Variants in CDYL observed in about 807,000 individuals in gnomAD.
The protein encoded by CDYL is chromodomain Y like, also known as chromodomain Y-like protein.
In CDYL, 8 loss-of-function variants were observed where a neutral mutation model predicts 47.3. The ratio of observed to expected loss-of-function variants is 0.17; its 90% CI spans 0.10 to 0.31. CDYL has a LOEUF of 0.31. Among genes scored for constraint, CDYL ranks in the 10% least tolerant of loss-of-function variants. The pLI, the probability that CDYL is intolerant of heterozygous loss-of-function variation, is 1.00. For synonymous variants in CDYL, 266 were observed against 265.0 expected (o/e 1.00, Z -0.04); for missense variants, 471 against 701.4 (o/e 0.67, Z 3.71).
intron 1 of CDYL, among the ~76,000 whole-genome samples, chr6:4,813,568 A>G (rs758371018): frequency 6.6e-6 from 1 of 152,148 alleles, no homozygotes; most frequent in Non-Finnish European, 1.5e-5. Flanking sequence ...TTGCTAAATT[A>G]TGTGTTTAGG....
At chr6:4,799,856 A>G (rs1295090723) in intron 1 of CDYL, among the ~76,000 whole-genome samples, 1 of 152,180 alleles carries the variant, frequency 6.6e-6, no homozygotes. Flanking sequence ...TGTTTCACGT[A>G]TTTTGAAGCT....
chr6:4,838,978 C>G (rs942473102), intron 1 of CDYL, among the ~76,000 whole-genome samples: 5 of 152,164 alleles, frequency 3.3e-5, no homozygotes, highest in African/African-American at 1.2e-4. Flanking sequence ...CCCGGCCTTA[C>G]TTTTAGTTCT....
At chr6:4,835,123 A>T (rs990034937) in intron 1 of CDYL, among the ~76,000 whole-genome samples, 10 of 152,246 alleles carry the variant, frequency 6.6e-5, no homozygotes, top group East Asian at 5.8e-4. Flanking sequence ...AGGAACTGCG[A>T]TCCTTTGGAG....
chr6:4,741,891 G>T (rs1757802849), intron 3 of CDYL, among the ~76,000 whole-genome samples: 1 of 151,856 alleles, frequency 6.6e-6, no homozygotes, highest in South Asian at 2.1e-4. Flanking sequence ...TTCCCATCCA[G>T]TTAGTGCATC....
At chr6:4,898,363 G>A (rs1234776343) in intron 2 of CDYL, among the ~76,000 whole-genome samples, 3 of 152,216 alleles carry the variant, frequency 2.0e-5, no homozygotes, top group Non-Finnish European at 1.5e-5. Context: ...GCAATTAGAA[G>A]TGTGTTTGAG....
Position 4,935,612 on chromosome 6 carries a change from C to T in CDYL, c.789C>T (p.Asp263=), listed in dbSNP as rs745360706. ...GVTASKRKFI[D]DRRDQPFDKR... The stretch of plus-strand genomic sequence containing the variant: ...CTGCCAGCAAAAGGAAATTTATTGA[C>T]GACAGAAGAGACCAGCCTTTTGACA... The change falls in exon 3 of 7, where the codon GAC becomes GAT. Residue 263 remains aspartate (D), a synonymous_variant. Coordinates refer to ENST00000397588, the MANE Select transcript of CDYL (RefSeq NM_004824.4). 4.0e-5 allele frequency: 64 copies of T among 1,614,054 alleles called. 1 individual carries two copies. Among genetic ancestry groups the T allele is most frequent in the South Asian group, 1.4e-4 (13 of 91,080 alleles).
At chr6:4,747,894 A>C (rs912495332) in intron 3 of CDYL, among the ~76,000 whole-genome samples, 1 of 152,226 alleles carries the variant, frequency 6.6e-6, no homozygotes, top group Admixed American at 6.5e-5. Context: ...TTTTGTTTTC[A>C]AGTCAGTCTT....
intron 1 of CDYL, among the ~76,000 whole-genome samples, chr6:4,845,978 A>G (rs892748899): frequency 6.6e-6 from 1 of 152,156 alleles, no homozygotes; most frequent in African/African-American, 2.4e-5. Flanking sequence ...CTTCCAAGCT[A>G]AAGGAGCCAA....
chr6:4,881,092 G>A (rs1359364828), intron 1 of CDYL, among the ~76,000 whole-genome samples: 1 of 152,130 alleles, frequency 6.6e-6, no homozygotes, highest in Non-Finnish European at 1.5e-5. Context: ...GGTTCTGTGT[G>A]TGTGTGTTTT....
chr6:4,886,286 A>C (rs895414153), intron 1 of CDYL, among the ~76,000 whole-genome samples: 1 of 152,162 alleles, frequency 6.6e-6, no homozygotes, highest in Non-Finnish European at 1.5e-5. Flanking sequence ...GTCATATGGT[A>C]ACTCTATTCG....
chr6:4,711,133 T>C (rs567247111), intron 1 of CDYL, among the ~76,000 whole-genome samples: 1 of 152,074 alleles, frequency 6.6e-6, no homozygotes, highest in African/African-American at 2.4e-5. Context: ...TGCACTTGTC[T>C]CTCTAAGATC....
intron 1 of CDYL, among the ~76,000 whole-genome samples, chr6:4,710,414 G>A (rs891035055): frequency 1.2e-5 from 1 of 81,244 alleles, no homozygotes; most frequent in Non-Finnish European, 2.9e-5. Context: ...ACTACATTTA[G>A]ATCCCCTTTC....
chr6:4,840,485 C>G (rs1479925820), intron 1 of CDYL, among the ~76,000 whole-genome samples: 1 of 152,060 alleles, frequency 6.6e-6, no homozygotes, highest in Non-Finnish European at 1.5e-5. Context: ...TGTTCCAGTT[C>G]TCAGGGGAAT....
chr6:4,926,699 T>C (rs1379311304), intron 2 of CDYL, among the ~76,000 whole-genome samples: 1 of 152,236 alleles, frequency 6.6e-6, no homozygotes, highest in Non-Finnish European at 1.5e-5. Flanking sequence ...AGAATTATTC[T>C]ATGTCTCTCT....
chr6:4,821,355 G>GCAACCTCTACCGGGA (rs981405645), intron 1 of CDYL, among the ~76,000 whole-genome samples: 1 of 130,566 alleles, frequency 7.7e-6, no homozygotes, highest in Admixed American at 9.5e-5. Flanking sequence ...TCGGCTTACT[G>GCAACCTCTACCGGGA]CAACCTCTAC....
intron 1 of CDYL, among the ~76,000 whole-genome samples, chr6:4,809,698 T>C (rs1220491840): frequency 1.3e-5 from 2 of 149,234 alleles, no homozygotes; most frequent in Non-Finnish European, 3.0e-5. Context: ...AGGGGTATTA[T>C]ATTAGTCCTT....
intron 3 of CDYL, among the ~76,000 whole-genome samples, chr6:4,755,555 T>G (rs778388958): frequency 2.7e-4 from 41 of 152,210 alleles, no homozygotes; most frequent in Non-Finnish European, 5.6e-4. Flanking sequence ...GATTACCCAC[T>G]GGATACTTCT....
At chr6:4,945,281 T>A (rs1758477988) in intron 5 of CDYL, among the ~76,000 whole-genome samples, 1 of 152,190 alleles carries the variant, frequency 6.6e-6, no homozygotes, top group Non-Finnish European at 1.5e-5. Flanking sequence ...TTATGGGAAC[T>A]CTGTACTACT....
Position 4,891,694 on chromosome 6 carries a change from T to G in CDYL, c.25-19T>G. On this transcript the variant is annotated intron_variant, in intron 1 of 6. Transcript: ENST00000397588. The stretch of plus-strand genomic sequence containing the variant: ...AAATTTTGATTTTTTTAAAACTATT[T>G]TTTTCCTTTTATGAACAGGTTGAAA... 6.4e-7 allele frequency: 1 copy of G among 1,559,488 alleles called. No homozygotes were observed. Among genetic ancestry groups the G allele is most frequent in the Non-Finnish European group, 8.7e-7 (1 of 1,155,394 alleles).
Sources: gnomAD v4.1 joint callset for allele counts (sites outside exome capture counted in the v4.1 genomes callset) on GRCh38, gnomAD v4.1.1 for gene constraint, MANE v1.5 for transcripts, NCBI Gene and HGNC (gene_info 2026-07-23, HGNC 2026-07-21) for gene names.